The following IP6K2 variants were observed in gnomAD, a reference collection of about 807,000 sequenced individuals.
IP6K2 encodes ATP:1D-myo-inositol-hexakisphosphate phosphotransferase.
IP6K2 carries 9 observed loss-of-function variants against 43.3 expected under a neutral mutation model. The ratio of observed to expected loss-of-function variants is 0.21; its 90% CI spans 0.13 to 0.36. IP6K2 has a LOEUF of 0.36. Ranked by LOEUF, IP6K2 falls within the 10% of genes least tolerant of loss-of-function variation. The pLI is 1.00. For missense variants in IP6K2, 332 were observed against 538.4 expected, an observed-to-expected ratio of 0.62 and a Z score of 3.79; for synonymous variants, 209 against 202.4, an observed-to-expected ratio of 1.03 and a Z score of -0.28.
At position 48,688,280 on chromosome 3, in the gene IP6K2, C is replaced by T. The variant is rs1182484538; in HGVS notation, c.1274G>A (p.Gly425Glu). ...CTGGAGCAGCTAGCAAGCTCACTCC[C>T]CACTCTCCTCACTTATCTCTGTGAC... is the stretch of plus-strand genomic sequence containing the variant. Reference protein sequence around the residue: ...DIVTEISEESGE With the variant: ...DIVTEISEESEE The change falls in exon 6 of 6, where the codon GGG becomes GAG. Residue 425 changes from glycine to glutamate, a missense_variant. By Grantham distance (98) the Gly-to-Glu change is moderately conservative (BLOSUM62 -2). Transcript: ENST00000328631. This position sits in a 1 kb window ranked among gnomAD's most constrained non-coding sequence, Gnocchi z 5.1. 6.2e-7 allele frequency: 1 copy of T among 1,613,138 alleles called. No individual in the cohort carries two copies. The highest frequency in any genetic ancestry group is 1.3e-5 in the African/African-American group (1 of 74,894).
Position 48,695,244 on chromosome 3 carries a change from G to A in IP6K2, c.48C>T (p.Gly16=), listed in dbSNP as rs773272512. 2.4e-5 allele frequency: 38 copies of A among 1,578,242 alleles called. No homozygotes were observed. The highest frequency in any genetic ancestry group is 2.9e-5 in the Non-Finnish European group (34 of 1,156,760). ...RAMDVEPRAK[G]VLLEPFVHQV... ...GGTGGACAAAGGGCTCCAGAAGGACGCCTTTGGCGCGGGGCTCCACATCCA... is the reference window on the plus strand; with the variant it reads ...GGTGGACAAAGGGCTCCAGAAGGACACCTTTGGCGCGGGGCTCCACATCCA... The change falls in exon 2 of 6, where the codon GGC becomes GGT. Residue 16 remains glycine (G), a synonymous_variant. Coordinates refer to ENST00000328631, the MANE Select transcript of IP6K2 (RefSeq NM_016291.4). The surrounding 1 kb of genome is among the most constrained non-coding windows in gnomAD (Gnocchi z 4.6).
At chr3:48,700,197 C>G (rs1222653060) in intron 1 of IP6K2, among the ~76,000 whole-genome samples, 2 of 152,024 alleles carry the variant, frequency 1.3e-5, no homozygotes, top group African/African-American at 4.8e-5. Context: ...TTCTAGGGTC[C>G]CTCACAGCCC....
intron 1 of IP6K2, among the ~76,000 whole-genome samples, chr3:48,698,721 C>T (rs2078690076): frequency 6.6e-6 from 1 of 152,162 alleles, no homozygotes; most frequent in African/African-American, 2.4e-5. Flanking sequence ...GATCTGCCCG[C>T]CTTGGCCTCC....
chr3:48,715,414 AGG>A (rs2081081780), intron 1 of IP6K2: 1 of 1,536,256 alleles, frequency 6.5e-7, no homozygotes, highest in African/African-American at 1.4e-5. Flanking sequence ...CCCTCTTGGA[AGG>A]GAGACTGGCA....
chr3:48,715,506 T>C (rs1413347923), intron 1 of IP6K2: 3 of 1,508,428 alleles, frequency 2.0e-6, no homozygotes, highest in Non-Finnish European at 2.7e-6. Flanking sequence ...GCATACAGTG[T>C]ACCTGTCTGT....
intron 2 of IP6K2, chr3:48,694,128 A>G (rs892647108): frequency 6.6e-7 from 1 of 1,524,164 alleles, no homozygotes; most frequent in Non-Finnish European, 8.8e-7. Context: ...CTCTGGGTGC[A>G]GAGGAGCCGG....
rs554488044 is a variant in IP6K2, at chr3:48,689,310, G to A, written c.780+228C>T. 1.7e-3 allele frequency among the ~76,000 whole-genome samples: 261 copies of A among 152,146 alleles called. 2 individuals are homozygous for A. The highest frequency in any genetic ancestry group is 6.1e-3 in the African/African-American group (252 of 41,498). On this transcript the variant is annotated intron_variant, in intron 5 of 5. Transcript: ENST00000328631. ...TGGTATTACAGCCGTGCACCACCAC[G>A]CCCAGCCAATTTTTGTATTTTTAGC... is the stretch of plus-strand genomic sequence containing the variant.
Position 48,688,484 on chromosome 3 carries a change from T to C in IP6K2, c.1070A>G (p.Glu357Gly), listed in dbSNP as rs1259712228. Residue 357 changes from glutamate (E) to glycine (G), a missense_variant, in exon 6 of 6, where the codon GAG (glutamate) becomes GGG (glycine). Coordinates refer to ENST00000328631, the MANE Select transcript of IP6K2 (RefSeq NM_016291.4). This position sits in a 1 kb window ranked among gnomAD's most constrained non-coding sequence, Gnocchi z 5.1. ...SDAEDLEDLS[E>G]ESADESAGAY... is the part of the protein sequence containing the mutation. ...ACCAGCAGACTCATCAGCTGATTCC[T>C]CTGACAGGTCCTCCAAATCCTCAGC... 1 of 1,614,120 alleles carries C rather than the reference T, an allele frequency of 6.2e-7. No homozygotes were observed. Among genetic ancestry groups the C allele is most frequent in the Non-Finnish European group, 8.5e-7 (1 of 1,180,058 alleles).
intron 1 of IP6K2, among the ~76,000 whole-genome samples, chr3:48,697,372 C>A (rs919040519): frequency 6.6e-6 from 1 of 150,596 alleles, no homozygotes; most frequent in Non-Finnish European, 1.5e-5. Flanking sequence ...CTTGCTCTGT[C>A]GCCCAGGCTG....
intron 1 of IP6K2, among the ~76,000 whole-genome samples, chr3:48,696,425 T>C (rs2078355988): frequency 1.3e-5 from 2 of 152,098 alleles, no homozygotes; most frequent in African/African-American, 2.4e-5. Flanking sequence ...TACACAGTGT[T>C]CTAGGTCACT....
At chr3:48,710,217 T>C (rs1242621322) in intron 1 of IP6K2, among the ~76,000 whole-genome samples, 3 of 152,050 alleles carry the variant, frequency 2.0e-5, no homozygotes, top group Non-Finnish European at 4.4e-5. Context: ...TGAGACCCTG[T>C]CTTCACAAAA....
rs1029046183 is a variant in IP6K2 at position 48,704,068 on chromosome 3, G to T, written c.-130-8647C>A. 1.3e-4 allele frequency among the ~76,000 whole-genome samples: 20 copies of T among 152,158 alleles called. 1 individual carries two copies. Among genetic ancestry groups the T allele is most frequent in the Admixed American group, 1.2e-3 (19 of 15,278 alleles). ...GATTGCGCCACTGCACTCTAGCCTG[G>T]CAACAGAGTGAGACTCTATCTCAAA... On this transcript the variant is annotated intron_variant, in intron 1 of 5. Transcript: ENST00000328631.
At chr3:48,710,035 G>C (rs1173861012) in intron 1 of IP6K2, among the ~76,000 whole-genome samples, 1 of 152,144 alleles carries the variant, frequency 6.6e-6, no homozygotes, top group Admixed American at 6.5e-5. Context: ...AGGTCACACT[G>C]ATCTCTTCAG....
chr3:48,689,475 C>G lies in IP6K2; in HGVS notation c.780+63G>C. ...CCTGGAATCTTTTGAGCAAACAGGA[C>G]TATACCAGGGTGGGGAAGTGACAGC... On this transcript the variant is annotated intron_variant, in intron 5 of 5. Coordinates refer to ENST00000328631, the MANE Select transcript of IP6K2 (RefSeq NM_016291.4). 5.9e-6 allele frequency: 9 copies of G among 1,522,888 alleles called. No homozygotes were observed. The South Asian group carries it at 9.7e-5, about 16-fold the overall frequency. The allele number at this position is 1,522,888 out of a possible 1,614,324, so 94.3% of individuals were successfully genotyped here.
intron 1 of IP6K2, among the ~76,000 whole-genome samples, chr3:48,706,141 A>C (rs1575717185): frequency 6.6e-6 from 1 of 152,216 alleles, no homozygotes; most frequent in East Asian, 1.9e-4. Flanking sequence ...CGGGAGGCGG[A>C]GGTTGCAGTG....
intron 1 of IP6K2, among the ~76,000 whole-genome samples, chr3:48,714,535 G>T (rs1289278700): frequency 1.3e-5 from 2 of 152,048 alleles, no homozygotes; most frequent in East Asian, 3.9e-4. Flanking sequence ...TGGGATTCCA[G>T]GCACCTGCCA....
intron 1 of IP6K2, among the ~76,000 whole-genome samples, chr3:48,706,834 G>A (rs1331979640): frequency 6.6e-6 from 1 of 152,088 alleles, no homozygotes; most frequent in African/African-American, 2.4e-5. Context: ...AAAAAAGAAA[G>A]AAAGCGGTGG....
chr3:48,708,806 T>A (rs11706203), intron 1 of IP6K2, among the ~76,000 whole-genome samples: 20,224 of 152,040 alleles, frequency 0.13, 1,501 homozygotes, highest in African/African-American at 0.2. Context: ...GTGTGGTGGC[T>A]CACACACGTG....
chr3:48,703,656 G>A (rs2079334771), intron 1 of IP6K2, among the ~76,000 whole-genome samples: 2 of 152,042 alleles, frequency 1.3e-5, no homozygotes, highest in Non-Finnish European at 2.9e-5. Flanking sequence ...AGCAGAGCTT[G>A]CAGTGAGCCA....
Sources: allele counts gnomAD v4.1 joint callset (sites outside exome capture counted in the v4.1 genomes callset), GRCh38; gene constraint gnomAD v4.1.1; non-coding constraint Gnocchi (gnomAD v3.1); transcripts MANE v1.5; gene names NCBI Gene and HGNC (gene_info 2026-07-23, HGNC 2026-07-21).